AUTS2: variants seen among roughly 807,000 people sequenced by gnomAD.
AUTS2 encodes the protein autism susceptibility gene 2 protein.
A neutral mutation model predicts 112.4 loss-of-function variants in AUTS2; 17 were observed. The ratio of observed to expected loss-of-function variants is 0.15; its 90% confidence interval spans 0.10 to 0.23. The LOEUF (loss-of-function observed/expected upper bound fraction) is 0.23, where lower values mean the gene tolerates loss of function less well. Ranked by LOEUF, AUTS2 falls within the 10% of genes least tolerant of loss-of-function variation. The probability of loss-of-function intolerance (pLI) is 1.00; values close to 1 mark genes in which losing one functional copy is unlikely to be tolerated. For synonymous variants in AUTS2, 751 were observed against 702.7 expected (o/e 1.07, Z -1.09); for missense variants, 1,510 against 1,701.6 (o/e 0.89, Z 1.98).
chr7:70,742,038 A>G (rs1370886462), intron 6 of AUTS2, among the ~76,000 whole-genome samples: 1 of 152,246 alleles, frequency 6.6e-6, no homozygotes, highest in Non-Finnish European at 1.5e-5. Flanking sequence ...CATTCACATT[A>G]GAATAAACTC....
chr7:70,169,354 C>G lies in AUTS2; in HGVS notation c.660+34783C>G, dbSNP rs533621013. ...TTCCTGAGTTCACGCCATTCTCTTG[C>G]CTCAGCCTCCCGAGTAGCTGCGGCT... is the stretch of plus-strand genomic sequence containing the variant. On this transcript the variant is annotated intron_variant, in intron 4 of 18. Coordinates refer to ENST00000342771, the MANE Select transcript of AUTS2 (RefSeq NM_015570.4). 2.0e-5 allele frequency among the ~76,000 whole-genome samples: 3 copies of G among 152,168 alleles called. No individual in the cohort carries two copies. The South Asian group carries it at 6.2e-4, about 32-fold the overall frequency.
intron 1 of AUTS2, among the ~76,000 whole-genome samples, chr7:69,718,302 C>T (rs1798727228): frequency 6.6e-6 from 1 of 152,170 alleles, no homozygotes; most frequent in Non-Finnish European, 1.5e-5. Context: ...TTAAAAACAA[C>T]ACAAACTTTT....
At chr7:70,189,190 A>G (rs1035100296) in intron 4 of AUTS2, among the ~76,000 whole-genome samples, 2 of 152,114 alleles carry the variant, frequency 1.3e-5, no homozygotes, top group Non-Finnish European at 2.9e-5. Context: ...CAAGCAGATG[A>G]TAATGAAGCA....
intron 1 of AUTS2, among the ~76,000 whole-genome samples, chr7:69,637,835 G>A (rs979199491): frequency 6.6e-6 from 1 of 152,186 alleles, no homozygotes; most frequent in Non-Finnish European, 1.5e-5. Flanking sequence ...CCTCGTGTAT[G>A]TGGTCTATCA....
intron 1 of AUTS2, among the ~76,000 whole-genome samples, chr7:69,791,063 T>A (rs1187892438): frequency 6.6e-6 from 1 of 152,258 alleles, no homozygotes; most frequent in East Asian, 1.9e-4. Flanking sequence ...TGAGACTGAT[T>A]ATGATGGGAG....
intron 1 of AUTS2, among the ~76,000 whole-genome samples, chr7:69,731,431 G>A (rs1786786435): frequency 6.6e-6 from 1 of 152,186 alleles, no homozygotes; most frequent in Non-Finnish European, 1.5e-5. Context: ...ACTGTAAAAT[G>A]GGGATAATAT....
intron 1 of AUTS2, among the ~76,000 whole-genome samples, chr7:69,687,726 G>A (rs1391447059): frequency 6.6e-6 from 1 of 151,980 alleles, no homozygotes; most frequent in Non-Finnish European, 1.5e-5. Flanking sequence ...TCATCCTAAC[G>A]CGTATGATAA....
chr7:69,929,621 A>G (rs950862575), intron 2 of AUTS2, among the ~76,000 whole-genome samples: 2 of 152,072 alleles, frequency 1.3e-5, no homozygotes, highest in Non-Finnish European at 2.9e-5. Flanking sequence ...TTCTTCTGCT[A>G]TGTCAAATCT....
Position 70,790,698 on chromosome 7 carries a change from A to T in AUTS2, c.3482A>T (p.Asp1161Val). ...ERERLHMLRE[D>V]YEHTRLHSVH... Reference sequence around the variant, plus strand: ...GAGCGCTTGCACATGCTCAGAGAAGACTACGAGCACACGCGGCTCCACTCC... The same window carrying T: ...GAGCGCTTGCACATGCTCAGAGAAGTCTACGAGCACACGCGGCTCCACTCC... Residue 1161 changes from aspartate to valine, a missense_variant, in exon 19 of 19, where the codon GAC becomes GTC. Coordinates refer to ENST00000342771, the MANE Select transcript of AUTS2 (RefSeq NM_015570.4). This position sits in a 1 kb window ranked among gnomAD's most constrained non-coding sequence, Gnocchi z 7.6. 6.2e-7 allele frequency: 1 copy of T among 1,613,620 alleles called. No homozygotes were observed. Among genetic ancestry groups the T allele is most frequent in the Non-Finnish European group, 8.5e-7 (1 of 1,179,966 alleles).
At chr7:70,623,899 C>G (rs980083559) in intron 5 of AUTS2, among the ~76,000 whole-genome samples, 1 of 152,178 alleles carries the variant, frequency 6.6e-6, no homozygotes, top group African/African-American at 2.4e-5. Context: ...TTCTGATGAA[C>G]TGCCGTTCTC....
chr7:69,599,541 G>C lies in AUTS2; in HGVS notation c.-113G>C, dbSNP rs1792252994. On this transcript the variant is annotated 5_prime_UTR_variant, in exon 1 of 19. Transcript: ENST00000342771. The surrounding 1 kb of genome is among the most constrained non-coding windows in gnomAD (Gnocchi z 7.0). ...CCGCCGTCTCCCCCGCGCCCTCCTCGGGGCGGAGGGAAGCCGTGAAGGGGG... is the reference window on the plus strand; with the variant it reads ...CCGCCGTCTCCCCCGCGCCCTCCTCCGGGCGGAGGGAAGCCGTGAAGGGGG... 4.8e-6 allele frequency: 5 copies of C among 1,046,604 alleles called. No individual in the cohort carries two copies. The highest frequency in any genetic ancestry group is 9.7e-5 in the South Asian group (2 of 20,648). The allele number at this position is 1,046,604 out of a possible 1,614,324, so 64.8% of individuals were successfully genotyped here. A position where few individuals can be genotyped will look rare whatever the true frequency, so the allele number is the denominator to read the frequency against.
chr7:70,006,938 T>A (rs1306626148), intron 2 of AUTS2, among the ~76,000 whole-genome samples: 1 of 152,212 alleles, frequency 6.6e-6, no homozygotes, highest in African/African-American at 2.4e-5. Flanking sequence ...AAGATTTCTC[T>A]GTACATTGAA....
intron 4 of AUTS2, among the ~76,000 whole-genome samples, chr7:70,196,636 G>A (rs1199952621): frequency 1.3e-5 from 2 of 152,204 alleles, no homozygotes; most frequent in African/African-American, 4.8e-5. Context: ...ATGCACTGAT[G>A]TGTATGAAAT....
At chr7:70,111,004 A>G (rs980463935) in intron 2 of AUTS2, among the ~76,000 whole-genome samples, 6 of 151,426 alleles carry the variant, frequency 4.0e-5, no homozygotes, top group Non-Finnish European at 5.9e-5. Context: ...CACCTCGAGT[A>G]GCTGGGACTA....
At chr7:69,634,410 G>A (rs977122754) in intron 1 of AUTS2, among the ~76,000 whole-genome samples, 2 of 152,110 alleles carry the variant, frequency 1.3e-5, no homozygotes, top group African/African-American at 2.4e-5. Flanking sequence ...GTGAGCCACC[G>A]CGCCCGGCCC....
intron 5 of AUTS2, among the ~76,000 whole-genome samples, chr7:70,647,868 A>G (rs139378658): frequency 6.6e-6 from 1 of 152,340 alleles, no homozygotes; most frequent in Non-Finnish European, 1.5e-5. Flanking sequence ...TGCTCTGGCT[A>G]AAGACAGGAT....
At chr7:70,673,959 G>C (rs908799832) in intron 5 of AUTS2, among the ~76,000 whole-genome samples, 20 of 152,234 alleles carry the variant, frequency 1.3e-4, no homozygotes, top group African/African-American at 4.8e-4. Context: ...GTATCCTACA[G>C]ATAGGATCCT....
Position 69,697,041 on chromosome 7 carries a change from G to T in AUTS2, c.309+97079G>T, listed in dbSNP as rs775349730. Among the ~76,000 whole-genome samples, 188 of 152,170 alleles carry T rather than the reference G, an allele frequency of 1.2e-3. 4 individuals carry two copies. The highest frequency in any genetic ancestry group is 3.4e-4 in the Non-Finnish European group (23 of 68,022). Reference sequence around the variant, plus strand: ...CGTATGTGTATGCACAGAAACTGTTGGACAATGATTCTCAAACTTTACTTT... The same window carrying T: ...CGTATGTGTATGCACAGAAACTGTTTGACAATGATTCTCAAACTTTACTTT... On this transcript the variant is annotated intron_variant, in intron 1 of 18. Transcript: ENST00000342771.
chr7:70,665,552 C>T (rs117110276), intron 5 of AUTS2, among the ~76,000 whole-genome samples: 5,129 of 152,120 alleles, frequency 0.034, 92 homozygotes, highest in South Asian at 0.072. Context: ...CTTCCCGCCT[C>T]GGCCTCCCAA....
Sources: allele counts gnomAD v4.1 joint callset (sites outside exome capture counted in the v4.1 genomes callset), GRCh38; gene constraint gnomAD v4.1.1; non-coding constraint Gnocchi (gnomAD v3.1); transcripts MANE v1.5; gene names NCBI Gene and HGNC (gene_info 2026-07-23, HGNC 2026-07-21).